UBN1: variants seen among roughly 807,000 people sequenced by gnomAD.
The protein encoded by UBN1 is ubinuclein-1.
UBN1 carries 17 observed loss-of-function variants against 108.5 expected under a neutral mutation model. The ratio of observed to expected loss-of-function variants is 0.16; its 90% CI spans 0.11 to 0.24. The LOEUF is 0.24. Among genes scored for constraint, UBN1 ranks in the 10% least tolerant of loss-of-function variants. The probability of loss-of-function intolerance (pLI) is 1.00; values close to 1 mark genes in which losing one functional copy is unlikely to be tolerated. For synonymous variants in UBN1, 726 were observed against 564.2 expected, an observed-to-expected ratio of 1.29 and a Z score of -4.07; for missense variants, 1,595 against 1,394.4, an observed-to-expected ratio of 1.14 and a Z score of -2.29.
chr16:4,879,866 G>A (rs950318442), intron 17 of UBN1, among the ~76,000 whole-genome samples: 1 of 152,092 alleles, frequency 6.6e-6, no homozygotes, highest in East Asian at 1.9e-4. Flanking sequence ...AGTGACCACC[G>A]ACCTTCACAG....
intron 1 of UBN1, among the ~76,000 whole-genome samples, chr16:4,848,600 G>C (rs2086338905): frequency 6.6e-6 from 1 of 152,198 alleles, no homozygotes; most frequent in Non-Finnish European, 1.5e-5. Flanking sequence ...CCCGCAGCCT[G>C]ATTTTTCTTG....
At chr16:4,850,002 G>GC (rs1448586377) in intron 1 of UBN1, among the ~76,000 whole-genome samples, 1 of 148,670 alleles carries the variant, frequency 6.7e-6, no homozygotes, top group African/African-American at 2.5e-5. Context: ...AAGGACTTAG[G>GC]CAACTCTCGT....
chr16:4,849,854 C>A (rs1293806392), intron 1 of UBN1, among the ~76,000 whole-genome samples: 2 of 149,628 alleles, frequency 1.3e-5, no homozygotes, highest in South Asian at 4.3e-4. Flanking sequence ...GCCTTAGCCT[C>A]CCAAAGTGCT....
chr16:4,870,533 G>C lies in UBN1; in HGVS notation c.1329G>C (p.Glu443Asp), dbSNP rs146683333. The change falls in exon 10 of 18, where the codon GAG becomes GAC. Residue 443 changes from glutamate to aspartate, a missense_variant. Physicochemically the swap from Glu to Asp is conservative, Grantham distance 45. Transcript: ENST00000262376. ...HLYEQGGRLK[E>D]PLQKLKEAIG... ...CTTCGCAGGGGGGCCGTCTGAAGGAGCCTCTCCAGAAGCTCAAGGAAGCCA... is the reference window on the plus strand; with the variant it reads ...CTTCGCAGGGGGGCCGTCTGAAGGACCCTCTCCAGAAGCTCAAGGAAGCCA... 3 of 1,614,132 alleles carry C rather than the reference G, an allele frequency of 1.9e-6. No individual in the cohort carries two copies. Among genetic ancestry groups the C allele is most frequent in the Non-Finnish European group, 2.5e-6 (3 of 1,180,040 alleles).
chr16:4,873,636 A>C (rs2087743135), intron 14 of UBN1, among the ~76,000 whole-genome samples: 1 of 152,218 alleles, frequency 6.6e-6, no homozygotes, highest in Admixed American at 6.5e-5. Flanking sequence ...TGAGATGTGC[A>C]AATCATTTAC....
chr16:4,868,248 A>G (rs2087432637), intron 7 of UBN1, among the ~76,000 whole-genome samples: 1 of 152,202 alleles, frequency 6.6e-6, no homozygotes, highest in Non-Finnish European at 1.5e-5. Flanking sequence ...AAGCAAACTA[A>G]GACTGTACTG....
intron 2 of UBN1, among the ~76,000 whole-genome samples, chr16:4,853,570 T>C (rs2086656585): frequency 6.6e-6 from 1 of 151,620 alleles, no homozygotes; most frequent in African/African-American, 2.4e-5. Flanking sequence ...TCTTTTTTTT[T>C]TTTTCGAGAC....
intron 8 of UBN1, 25 bp from the exon 9 acceptor site, chr16:4,870,187 G>T: frequency 6.2e-7 from 1 of 1,613,812 alleles, no homozygotes; most frequent in Non-Finnish European, 8.5e-7. Context: ...GCTGCAGCCG[G>T]TGGTGACTGT....
chr16:4,850,249 C>T (rs907105089), intron 1 of UBN1, among the ~76,000 whole-genome samples: 1 of 152,072 alleles, frequency 6.6e-6, no homozygotes, highest in Non-Finnish European at 1.5e-5. Flanking sequence ...TCCTGTAGTC[C>T]TATTTTTTAC....
At position 4,870,882 on chromosome 16, in the gene UBN1, G is replaced by A. The variant is rs143382224; in HGVS notation, c.1469G>A (p.Arg490Gln). 112 of 1,613,950 alleles carry A rather than the reference G, an allele frequency of 6.9e-5. No individual in the cohort carries two copies. The highest frequency in any genetic ancestry group is 8.7e-5 in the Non-Finnish European group (103 of 1,180,014). ...GAGAAAGACAAGGAGCAGAGGGACCGGATTTGTTCGGATGAGGAAGAAGAT... is the reference window on the plus strand; with the variant it reads ...GAGAAAGACAAGGAGCAGAGGGACCAGATTTGTTCGGATGAGGAAGAAGAT... ...EEEKDKEQRD[R>Q]ICSDEEEDEE... is the part of the protein sequence containing the mutation. The change falls in exon 11 of 18, where the codon CGG (arginine) becomes CAG (glutamine). Residue 490 changes from arginine to glutamine, a missense_variant. Around this residue, in one of 3 missense-constraint regions of UBN1, gnomAD observed 1,398 missense variants for 1,194.7 expected, o/e 1.17. Coordinates refer to ENST00000262376, the MANE Select transcript of UBN1 (RefSeq NM_001079514.3).
intron 7 of UBN1, among the ~76,000 whole-genome samples, chr16:4,864,046 C>T (rs1017322617): frequency 9.7e-5 from 14 of 144,364 alleles, no homozygotes; most frequent in Admixed American, 4.2e-4. Flanking sequence ...TGGGAGGAAT[C>T]TGTGATCCTG....
intron 7 of UBN1, among the ~76,000 whole-genome samples, chr16:4,866,944 G>A (rs1000149274): frequency 6.6e-6 from 1 of 152,210 alleles, no homozygotes; most frequent in Non-Finnish European, 1.5e-5. Context: ...CGGACTTAAG[G>A]GGTTAAAGAG....
Position 4,853,237 on chromosome 16 carries a change from C to T in UBN1, c.249+71C>T, listed in dbSNP as rs1414855855. On this transcript the variant is annotated intron_variant, in intron 2 of 17. Coordinates refer to ENST00000262376, the MANE Select transcript of UBN1 (RefSeq NM_001079514.3). ...GGTCAGTGCATGCATGTGGGGCTTC[C>T]GTAGCGGGGAAGCAAGACTTAACTG... 18 of 1,556,738 alleles carry T rather than the reference C, an allele frequency of 1.2e-5. No individual in the cohort carries two copies. In the East Asian group the frequency reaches 1.6e-4, roughly 14 times the overall value.
chr16:4,847,529 T>G lies in UBN1; in HGVS notation c.-721T>G, dbSNP rs1054849686. On this transcript the variant is annotated 5_prime_UTR_variant, in exon 1 of 18. Coordinates refer to ENST00000262376, the MANE Select transcript of UBN1 (RefSeq NM_001079514.3). ...TCGTGACAACGAAGCGCCCGCGGTC[T>G]GAGGCGGCGGCGGCGGCGACGGTGC... 2.6e-4 allele frequency: 127 copies of G among 479,990 alleles called. No individual in the cohort carries two copies. Among genetic ancestry groups the G allele is most frequent in the African/African-American group, 2.1e-3 (102 of 48,180 alleles). The allele number at this position is 479,990 out of a possible 1,614,324, so 29.7% of individuals were successfully genotyped here.
rs756723630 is a variant in UBN1 at position 4,874,858 on chromosome 16, C to G, written c.2448C>G (p.Asn816Lys). Reference protein sequence around the residue: ...VFHAGTQQQKNFTPPSPFANK... With the variant: ...VFHAGTQQQKKFTPPSPFANK... ...ATGCCGGCACTCAGCAGCAGAAAAACTTCACGCCCCCATCTCCATTTGCCA... is the reference window on the plus strand; with the variant it reads ...ATGCCGGCACTCAGCAGCAGAAAAAGTTCACGCCCCCATCTCCATTTGCCA... The change falls in exon 15 of 18, where the codon AAC (asparagine) becomes AAG (lysine). Residue 816 changes from asparagine to lysine, a missense_variant. Around this residue, in one of 3 missense-constraint regions of UBN1, gnomAD observed 1,398 missense variants for 1,194.7 expected, o/e 1.17. Transcript: ENST00000262376. 1 of 1,614,092 alleles carries G rather than the reference C, an allele frequency of 6.2e-7. No homozygotes were observed. The highest frequency in any genetic ancestry group is 8.5e-7 in the Non-Finnish European group (1 of 1,180,032).
At position 4,877,188 on chromosome 16, in the gene UBN1, G is replaced by T. The variant is rs1051739535; in HGVS notation, c.3265+77G>T. ...CAGGGGTCCTGCTGTTGTGTACTCT[G>T]GTTCCTGTGTTTGAGTCTGGTGTGT... On this transcript the variant is annotated intron_variant, in intron 16 of 17. Coordinates refer to ENST00000262376, the MANE Select transcript of UBN1 (RefSeq NM_001079514.3). This position sits in a 1 kb window ranked among gnomAD's most constrained non-coding sequence, Gnocchi z 4.3. The T allele has an allele frequency of 6.5e-7, 1 of 1,530,828 alleles. No individual in the cohort carries two copies. Among genetic ancestry groups the T allele is most frequent in the East Asian group, 2.3e-5 (1 of 44,236 alleles). The allele number at this position is 1,530,828 out of a possible 1,614,324, so 94.8% of individuals were successfully genotyped here.
rs770159035 is a variant in UBN1 at position 4,874,429 on chromosome 16, G to A, written c.2019G>A (p.Val673=). 23 of 1,614,040 alleles carry A rather than the reference G, an allele frequency of 1.4e-5. No homozygotes were observed. In the East Asian group the frequency reaches 5.1e-4, roughly 36 times the overall value. The part of the protein sequence containing the change: ...EDLIRNPASS[V]EAVSKELAAL... Reference sequence around the variant, plus strand: ...TGATCCGCAATCCAGCCTCCTCGGTGGAAGCCGTGTCCAAGGAATTGGCTG... The same window carrying A: ...TGATCCGCAATCCAGCCTCCTCGGTAGAAGCCGTGTCCAAGGAATTGGCTG... Residue 673 remains valine, a synonymous_variant, in exon 15 of 18, where the codon GTG becomes GTA. Coordinates refer to ENST00000262376, the MANE Select transcript of UBN1 (RefSeq NM_001079514.3).
chr16:4,870,671 C>T (rs756905450), intron 10 of UBN1, 37 bp downstream of exon 10: 22 of 1,610,626 alleles, frequency 1.4e-5, no homozygotes, highest in Middle Eastern at 1.7e-4. Flanking sequence ...GCAACCCTCC[C>T]GTCTTGCCTC....
chr16:4,855,368 A>G (rs1393685363), intron 2 of UBN1, among the ~76,000 whole-genome samples: 1 of 152,080 alleles, frequency 6.6e-6, no homozygotes, highest in African/African-American at 2.4e-5. Flanking sequence ...TAATCCCAGC[A>G]CTTTGGGAGT....
Sources: allele counts gnomAD v4.1 joint callset (sites outside exome capture counted in the v4.1 genomes callset), GRCh38; gene constraint gnomAD v4.1.1; regional missense constraint gnomAD v4.1.1; non-coding constraint Gnocchi (gnomAD v3.1); transcripts MANE v1.5; gene names NCBI Gene and HGNC (gene_info 2026-07-23, HGNC 2026-07-21).